Variants in FN1 observed in about 807,000 individuals in gnomAD.
FN1 encodes the protein fibronectin 1, also known as fibronectin.
Under a neutral mutation model 297.3 loss-of-function variants are expected in FN1, and 106 were observed. That is an observed-to-expected ratio of 0.36 (90% CI 0.30 to 0.42). FN1 has a LOEUF of 0.42. Among genes scored for constraint, FN1 ranks in the 10% least tolerant of loss-of-function variants. FN1 has a pLI of 1.00. For missense variants in FN1, 2,690 were observed against 3,124.9 expected (o/e 0.86, Z 3.32); for synonymous variants, 1,149 against 1,152.6 (o/e 1.00, Z 0.06).
At position 215,408,137 on chromosome 2, in the gene FN1, C is replaced by A. The variant is rs775576039; in HGVS notation, c.2489G>T (p.Arg830Leu). 3 of 1,613,998 alleles carry A rather than the reference C, an allele frequency of 1.9e-6. No homozygotes were observed. The highest frequency in any genetic ancestry group is 4.5e-5 in the East Asian group (2 of 44,864). The change falls in exon 17 of 46, where the codon CGC (arginine) becomes CTC (leucine). Residue 830 changes from arginine (R) to leucine (L), a missense_variant. Physicochemically the swap from Arg to Leu is moderately radical, Grantham distance 102. Transcript: ENST00000354785. ...GATGGGAGCCTGGGGTCTGCTCCAGCGAACAACAATTGAGGTGTCATCAAC... is the reference window on the plus strand; with the variant it reads ...GATGGGAGCCTGGGGTCTGCTCCAGAGAACAACAATTGAGGTGTCATCAAC... The part of the protein sequence containing the change: ...DQVDDTSIVV[R>L]WSRPQAPITG...
rs1194400763 is a variant in FN1 at position 215,361,411 on chromosome 2, G to T, written c.*144C>A. On this transcript the variant is annotated 3_prime_UTR_variant, in exon 46 of 46. Transcript: ENST00000354785. The stretch of plus-strand genomic sequence containing the variant: ...AGGGTGATGCTTGGAGAAGCTGTGA[G>T]TTGAGCTGAAGCTGGAGAACTTCCT... 4 of 764,854 alleles carry T rather than the reference G, an allele frequency of 5.2e-6. No individual in the cohort carries two copies. The highest frequency in any genetic ancestry group is 9.7e-6 in the Non-Finnish European group (4 of 413,164). The allele number at this position is 764,854 out of a possible 1,614,324, so 47.4% of individuals were successfully genotyped here.
At position 215,432,813 on chromosome 2, in the gene FN1, C is replaced by CTAGGAATAGGA. The variant is rs1156758061; in HGVS notation, c.415+510_415+511insTCCTATTCCTA. Among the ~76,000 whole-genome samples, 5 of 152,250 alleles carry CTAGGAATAGGA rather than the reference C, an allele frequency of 3.3e-5. No homozygotes were observed. The East Asian group carries it at 9.6e-4, about 29-fold the overall frequency. On this transcript the variant is annotated intron_variant, in intron 3 of 45. Coordinates refer to ENST00000354785, the MANE Select transcript of FN1 (RefSeq NM_212482.4). ...TTTGTATTATCCCTAGGAATAGTGA[C>CTAGGAATAGGA]ATCTGCTTCCTGGGTATAACCTACT... is the stretch of plus-strand genomic sequence containing the variant.
Position 215,423,786 on chromosome 2 carries a change from A to AAACATTG in FN1, c.1217-267_1217-261dup, listed in dbSNP as rs571446744. ...AAAGATTAAATGATAGCTTTGAATAAAACATTGTTTTAACTGGAAAATAAG... is the reference window on the plus strand; with the variant it reads ...AAAGATTAAATGATAGCTTTGAATAAAACATTGAACATTGTTTTAACTGGAAAATAAG... On this transcript the variant is annotated intron_variant, in intron 8 of 45. Coordinates refer to ENST00000354785, the MANE Select transcript of FN1 (RefSeq NM_212482.4). Among the ~76,000 whole-genome samples the AAACATTG allele has an allele frequency of 6.4e-4, 97 of 152,288 alleles. 3 individuals are homozygous for AAACATTG. The South Asian group carries it at 0.02, about 31-fold the overall frequency.
At chr2:215,405,977 C>A (rs2061724372) in intron 19 of FN1, among the ~76,000 whole-genome samples, 1 of 152,132 alleles carries the variant, frequency 6.6e-6, no homozygotes. Flanking sequence ...AAATTAGATT[C>A]TCTTCAGTTC....
intron 7 of FN1, among the ~76,000 whole-genome samples, chr2:215,424,683 A>C (rs995109966): frequency 1.3e-5 from 2 of 152,216 alleles, no homozygotes; most frequent in Non-Finnish European, 2.9e-5. Context: ...ATATGAGACT[A>C]TTCTGGGGGA....
chr2:215,397,251 A>T (rs1559458163), intron 22 of FN1, 28 bp from the exon 23 acceptor site: 1 of 1,514,808 alleles, frequency 6.6e-7, no homozygotes, highest in Non-Finnish European at 9.2e-7. Flanking sequence ...TTTAAAAGTC[A>T]AAGCTGACAC....
In FN1 at chr2:215,397,235, G is replaced by A. The variant is rs1214514451; in HGVS notation, c.3518-12C>T. On this transcript the variant is annotated splice_polypyrimidine_tract_variant and intron_variant, in intron 22 of 45. Transcript: ENST00000354785. ...TGGTGGAGACAATGCTATGCAGAAAGAACATTTTAAAAGTCAAAGCTGACA... is the reference window on the plus strand; with the variant it reads ...TGGTGGAGACAATGCTATGCAGAAAAAACATTTTAAAAGTCAAAGCTGACA... 3 of 1,600,954 alleles carry A rather than the reference G, an allele frequency of 1.9e-6. No individual in the cohort carries two copies. The highest frequency in any genetic ancestry group is 2.6e-6 in the Non-Finnish European group (3 of 1,168,108).
intron 41 of FN1, among the ~76,000 whole-genome samples, 160 bp from the exon 42 acceptor site, chr2:215,368,187 T>C (rs1173562166): frequency 6.6e-6 from 1 of 152,212 alleles, no homozygotes; most frequent in East Asian, 1.9e-4. Context: ...TTAACTGCTC[T>C]AAAAAACCAT....
rs747033490 is a variant in FN1 at position 215,423,454 on chromosome 2, T to C, written c.1289A>G (p.Asn430Ser). 15 of 1,614,108 alleles carry C rather than the reference T, an allele frequency of 9.3e-6. No homozygotes were observed. Among genetic ancestry groups the C allele is most frequent in the East Asian group, 4.5e-5 (2 of 44,894 alleles). ...CHFPFLYNNH[N>S]YTDCTSEGRR... The stretch of plus-strand genomic sequence containing the variant: ...GCCCTCAGAAGTGCAATCAGTGTAA[T>C]TGTGGTTGTTGTATAGGAAGGGGAA... The change falls in exon 9 of 46, where the codon AAT (asparagine) becomes AGT (serine). Residue 430 changes from asparagine (N) to serine (S), a missense_variant. This residue lies in a region of FN1 where 876 missense variants were observed against 1,058.1 expected (regional missense o/e 0.83). Transcript: ENST00000354785.
At chr2:215,396,678 A>T (rs1437562735) in intron 23 of FN1, among the ~76,000 whole-genome samples, 1 of 152,234 alleles carries the variant, frequency 6.6e-6, no homozygotes, top group Non-Finnish European at 1.5e-5. Flanking sequence ...ATTCTGTAAA[A>T]TGAAGGTATT....
chr2:215,373,403 G>C lies in FN1; in HGVS notation c.6166C>G (p.Pro2056Ala). Residue 2056 changes from proline (P) to alanine (A), a missense_variant, in exon 39 of 46, where the codon CCG becomes GCG. Pro to Ala is a conservative substitution (Grantham distance 27). Transcript: ENST00000354785. ...VTEATITGLE[P>A]GTEYTIYVIA... ...ACATAAATTGTATATTCGGTTCCCG[G>C]TTCCAGGCCTGAAGGGAGAATAGAA... The C allele has an allele frequency of 6.2e-7, 1 of 1,612,630 alleles. No individual in the cohort carries two copies. The highest frequency in any genetic ancestry group is 8.5e-7 in the Non-Finnish European group (1 of 1,179,006).
In FN1 at chr2:215,394,690, G is replaced by T; in HGVS notation, c.3634C>A (p.Pro1212Thr). The change falls in exon 24 of 46, where the codon CCT becomes ACT. Residue 1212 changes from proline (P) to threonine (T), a missense_variant. Coordinates refer to ENST00000354785, the MANE Select transcript of FN1 (RefSeq NM_212482.4). ...DITGYRITTT[P>T]TNGQQGNSLE... The stretch of plus-strand genomic sequence containing the variant: ...GAATTTCCCTGCTGGCCGTTTGTAG[G>T]GGTTGTGGTAATTCTATAACCAGTA... The T allele has an allele frequency of 6.2e-7, 1 of 1,614,044 alleles. No individual in the cohort carries two copies. Among genetic ancestry groups the T allele is most frequent in the South Asian group, 1.1e-5 (1 of 91,080 alleles).
chr2:215,397,592 A>G (rs954907725), intron 22 of FN1, 88 bp downstream of exon 22: 4 of 1,108,828 alleles, frequency 3.6e-6, no homozygotes, highest in Admixed American at 1.7e-5. Flanking sequence ...TGCCATTCTC[A>G]TAAGTAAAAA....
chr2:215,387,046 C>A, intron 27 of FN1, 88 bp from the exon 28 acceptor site: 2 of 1,209,750 alleles, frequency 1.7e-6, no homozygotes, highest in African/African-American at 1.5e-5. Context: ...GGGAAATTAA[C>A]GTACATCCAA....
In FN1 at chr2:215,384,844, C is replaced by T; in HGVS notation, c.4729+16G>A. Reference sequence around the variant, plus strand: ...CTGATTTAATCAGAGTGTAAAATAGCATTTTACTGCTGTACCTGTCTCTCC... The same window carrying T: ...CTGATTTAATCAGAGTGTAAAATAGTATTTTACTGCTGTACCTGTCTCTCC... On this transcript the variant is annotated intron_variant, in intron 29 of 45. Coordinates refer to ENST00000354785, the MANE Select transcript of FN1 (RefSeq NM_212482.4). 6.9e-7 allele frequency: 1 copy of T among 1,450,646 alleles called. No homozygotes were observed. The highest frequency in any genetic ancestry group is 9.7e-7 in the Non-Finnish European group (1 of 1,030,630). 89.9% of individuals were successfully genotyped at this position (1,450,646 alleles called of 1,614,324 possible).
intron 27 of FN1, 42 bp downstream of exon 27, chr2:215,388,170 A>G: frequency 7.3e-7 from 1 of 1,367,504 alleles, no homozygotes; most frequent in Non-Finnish European, 1.0e-6. Flanking sequence ...CAGAATTGAT[A>G]GGCAAAAGCT....
At position 215,433,362 on chromosome 2, in the gene FN1, A is replaced by G; in HGVS notation, c.377T>C (p.Ile126Thr). The G allele has an allele frequency of 6.2e-7, 1 of 1,614,166 alleles. No individual in the cohort carries two copies. Among genetic ancestry groups the G allele is most frequent in the Non-Finnish European group, 8.5e-7 (1 of 1,180,018 alleles). ...KDSMIWDCTC[I>T]GAGRGRISCT... ...GCTTATTCTCCCTCGCCCAGCCCCG[A>G]TGCAGGTACAGTCCCAGATCATGGA... The change falls in exon 3 of 46, where the codon ATC (isoleucine) becomes ACC (threonine). Residue 126 changes from isoleucine to threonine, a missense_variant. By Grantham distance (89) the Ile-to-Thr change is moderately conservative. Coordinates refer to ENST00000354785, the MANE Select transcript of FN1 (RefSeq NM_212482.4).
chr2:215,392,014 C>G (rs2059764870), intron 25 of FN1, 200 bp from the exon 26 acceptor site: 1 of 566,212 alleles, frequency 1.8e-6, no homozygotes, highest in Admixed American at 3.2e-5. Context: ...TGTTAGGCCC[C>G]CTTTAACCTT....
intron 12 of FN1, among the ~76,000 whole-genome samples, chr2:215,417,661 C>T (rs988404432): frequency 6.6e-6 from 1 of 152,154 alleles, no homozygotes; most frequent in Non-Finnish European, 1.5e-5. Context: ...CAGATAAGCA[C>T]CAAAGAGCAT....
Sources: gnomAD v4.1 joint callset for allele counts (sites outside exome capture counted in the v4.1 genomes callset) on GRCh38, gnomAD v4.1.1 for gene constraint, gnomAD v4.1.1 regional missense constraint, MANE v1.5 for transcripts, NCBI Gene and HGNC (gene_info 2026-07-23, HGNC 2026-07-21) for gene names.